NGLY1: variants seen among roughly 807,000 people sequenced by gnomAD.
The protein encoded by NGLY1 is N-glycanase 1.
NGLY1 carries 68 observed loss-of-function variants against 84.6 expected under a neutral mutation model. That is an observed-to-expected ratio of 0.80 (90% CI 0.66 to 0.98). The LOEUF is 0.98. NGLY1 is among the 50% of genes least tolerant of loss of function. The pLI, the probability that NGLY1 is intolerant of heterozygous loss-of-function variation, is 0.00. For synonymous variants in NGLY1, 280 were observed against 275.2 expected, an observed-to-expected ratio of 1.02 and a Z score of -0.17; for missense variants, 779 against 770.2, an observed-to-expected ratio of 1.01 and a Z score of -0.14.
At chr3:25,736,242 A>G in intron 6 of NGLY1, 93 bp from the exon 7 acceptor site, 2 of 1,555,670 alleles carry the variant, frequency 1.3e-6, no homozygotes, top group Non-Finnish European at 1.7e-6. Context: ...AGAATCATAA[A>G]GTAATGCATA....
chr3:25,727,163 C>T (rs1424295705), intron 10 of NGLY1, among the ~76,000 whole-genome samples: 1 of 152,140 alleles, frequency 6.6e-6, no homozygotes, highest in Non-Finnish European at 1.5e-5. Context: ...ATTGTTACTT[C>T]CGAGTTATCA....
intron 3 of NGLY1, among the ~76,000 whole-genome samples, chr3:25,752,985 C>T (rs1706836078): frequency 6.6e-6 from 1 of 151,880 alleles, no homozygotes; most frequent in Non-Finnish European, 1.5e-5. Context: ...AAACTTCTCA[C>T]ATCCAGTTAA....
At chr3:25,737,766 G>A (rs1040821314) in intron 5 of NGLY1, among the ~76,000 whole-genome samples, 5 of 151,888 alleles carry the variant, frequency 3.3e-5, no homozygotes, top group African/African-American at 7.3e-5. Context: ...GGATGGTCTC[G>A]ATCTCCTGAC....
intron 9 of NGLY1, chr3:25,730,257 T>C (rs772376024): frequency 1.3e-5 from 2 of 152,118 alleles, no homozygotes; most frequent in Non-Finnish European, 2.9e-5. Flanking sequence ...CTGTTTCCAA[T>C]TGATTGCAAG....
chr3:25,759,918 ACACACAC>A (rs1217198620), intron 3 of NGLY1, among the ~76,000 whole-genome samples: 4 of 138,088 alleles, frequency 2.9e-5, no homozygotes, highest in African/African-American at 1.3e-4. Flanking sequence ...AGTTAAAAAA[ACACACAC>A]ACACACACAC....
rs779666541 is a variant in NGLY1 at position 25,739,664 on chromosome 3, A to G, written c.794T>C (p.Leu265Pro). Reference protein sequence around the residue: ...GQTRSRDRSLLPSDDELKWGA... With the variant: ...GQTRSRDRSLPPSDDELKWGA... ...CCACTTCAGCTCATCATCACTGGGC[A>G]GTAATGATCTATCTCTAGACCTAGT... is the stretch of plus-strand genomic sequence containing the variant. The change falls in exon 5 of 12, where the codon CTG becomes CCG. Residue 265 changes from leucine to proline, a missense_variant. Coordinates refer to ENST00000280700, the MANE Select transcript of NGLY1 (RefSeq NM_018297.4). The G allele has an allele frequency of 6.2e-7, 1 of 1,614,164 alleles. No homozygotes were observed. The highest frequency in any genetic ancestry group is 1.7e-5 in the Admixed American group (1 of 60,020).
chr3:25,784,658 ACTTTT>A (rs1252340196), upstream of NGLY1, among the ~76,000 whole-genome samples: 6 of 152,210 alleles, frequency 3.9e-5, no homozygotes, highest in African/African-American at 1.4e-4. Context: ...TCATCTGTTT[ACTTTT>A]AAGAATTGAA....
At chr3:25,761,271 A>T (rs1707311453) in intron 3 of NGLY1, among the ~76,000 whole-genome samples, 1 of 152,192 alleles carries the variant, frequency 6.6e-6, no homozygotes, top group Non-Finnish European at 1.5e-5. Flanking sequence ...TCAGAATCAC[A>T]TTTTCAACCG....
chr3:25,720,221 ACTGTC>A, intron 10 of NGLY1, 30 bp from the exon 11 acceptor site: 3 of 1,561,834 alleles, frequency 1.9e-6, no homozygotes, highest in Middle Eastern at 1.7e-4. Flanking sequence ...GGAGAAAGGA[ACTGTC>A]AGAAAAAATG....
At chr3:25,775,530 G>A (rs1159151065) in intron 2 of NGLY1, among the ~76,000 whole-genome samples, 2 of 152,116 alleles carry the variant, frequency 1.3e-5, no homozygotes, top group African/African-American at 2.4e-5. Flanking sequence ...AGTAAAATAA[G>A]CCAGAATTCA....
chr3:25,783,463 C>T (rs1708522120), upstream of NGLY1: 1 of 1,363,490 alleles, frequency 7.3e-7, no homozygotes, highest in Admixed American at 4.0e-5. The surrounding 1 kb of genome is among the most constrained non-coding windows in gnomAD (Gnocchi z 4.5). Context: ...CCTCAGCGCG[C>T]AGCAGCTACC....
At chr3:25,736,499 T>C in intron 6 of NGLY1, 1 of 874,004 alleles carries the variant, frequency 1.1e-6, no homozygotes, top group African/African-American at 1.7e-5. Context: ...ACAGTCTCTC[T>C]CTCTGGACTT....
intron 3 of NGLY1, among the ~76,000 whole-genome samples, chr3:25,756,503 A>G (rs1575641366): frequency 1.3e-5 from 2 of 152,286 alleles, no homozygotes; most frequent in Admixed American, 1.3e-4. Context: ...TGGGTCAGTT[A>G]CAGTTTTAGT....
At chr3:25,719,948 A>G in intron 11 of NGLY1, 66 bp downstream of exon 11, 2 of 1,366,426 alleles carry the variant, frequency 1.5e-6, no homozygotes, top group Non-Finnish European at 2.0e-6. Flanking sequence ...CATCTCAAAT[A>G]AGTACAATTA....
Position 25,739,560 on chromosome 3 carries a change from C to T in NGLY1, c.881+17G>A, listed in dbSNP as rs745717960. On this transcript the variant is annotated intron_variant, in intron 5 of 11. Transcript: ENST00000280700. ...TCATTAAGAGATTATTCTGATTTTA[C>T]CATCCAGGGCACCCACCTTGGGAAT... 5.6e-6 allele frequency: 9 copies of T among 1,609,764 alleles called. No individual in the cohort carries two copies. Among genetic ancestry groups the T allele is most frequent in the Admixed American group, 5.0e-5 (3 of 59,788 alleles).
intron 2 of NGLY1, among the ~76,000 whole-genome samples, chr3:25,769,126 A>T (rs1337907685): frequency 6.6e-6 from 1 of 152,094 alleles, no homozygotes; most frequent in African/African-American, 2.4e-5. Flanking sequence ...TGGGAGACCA[A>T]GGTAGGTGTA....
At chr3:25,759,920 ACAC>A (rs748386752) in intron 3 of NGLY1, among the ~76,000 whole-genome samples, 2,454 of 134,870 alleles carry the variant, frequency 0.018, 65 homozygotes, top group African/African-American at 0.08. Context: ...TTAAAAAAAC[ACAC>A]ACACACACAC....
intron 2 of NGLY1, among the ~76,000 whole-genome samples, chr3:25,777,156 G>A (rs1308118057): frequency 2.0e-5 from 3 of 152,182 alleles, no homozygotes; most frequent in Non-Finnish European, 4.4e-5. Flanking sequence ...AATACTTTGG[G>A]AGGCCAAGGC....
chr3:25,768,704 C>A (rs924195479), intron 2 of NGLY1, among the ~76,000 whole-genome samples: 1 of 151,566 alleles, frequency 6.6e-6, no homozygotes, highest in South Asian at 2.1e-4. Context: ...CGCCACCACG[C>A]CCGGCTAATT....
Sources: allele counts gnomAD v4.1 joint callset (sites outside exome capture counted in the v4.1 genomes callset), GRCh38; gene constraint gnomAD v4.1.1; non-coding constraint Gnocchi (gnomAD v3.1); transcripts MANE v1.5; gene names NCBI Gene and HGNC (gene_info 2026-07-23, HGNC 2026-07-21).